Variants in PRLR observed in about 807,000 individuals in gnomAD.
The protein encoded by PRLR is prolactin receptor.
Under a neutral mutation model 40.2 loss-of-function variants are expected in PRLR, and 13 were observed. The ratio of observed to expected loss-of-function variants is 0.32; its 90% confidence interval spans 0.21 to 0.51. The LOEUF is 0.51. Ranked by LOEUF, PRLR falls within the 20% of genes least tolerant of loss-of-function variation. The probability of loss-of-function intolerance (pLI) is 0.97; values close to 1 mark genes in which losing one functional copy is unlikely to be tolerated. For synonymous variants in PRLR, 269 were observed against 278.7 expected (o/e 0.97, Z 0.35); for missense variants, 656 against 747.3 (o/e 0.88, Z 1.42).
chr5:35,120,773 C>T (rs1773261417), intron 1 of PRLR, among the ~76,000 whole-genome samples: 1 of 152,194 alleles, frequency 6.6e-6, no homozygotes. Flanking sequence ...TTCCCTGCTC[C>T]TCACTTTAGG....
intron 5 of PRLR, among the ~76,000 whole-genome samples, chr5:35,076,745 A>G (rs1233331554): frequency 6.6e-6 from 1 of 152,214 alleles, no homozygotes; most frequent in Non-Finnish European, 1.5e-5. Flanking sequence ...CGTAATTGTC[A>G]GATTCACCAA....
At chr5:35,134,635 C>T (rs1014766094) in intron 1 of PRLR, among the ~76,000 whole-genome samples, 5 of 152,290 alleles carry the variant, frequency 3.3e-5, no homozygotes, top group East Asian at 1.9e-4. Flanking sequence ...TAGAGCACAA[C>T]CTCAATGAAC....
chr5:35,216,156 C>G (rs1776283251), intron 1 of PRLR, among the ~76,000 whole-genome samples: 1 of 152,118 alleles, frequency 6.6e-6, no homozygotes, highest in Non-Finnish European at 1.5e-5. Flanking sequence ...TAGTATTACA[C>G]AGGCACCAGA....
At chr5:35,076,510 A>T (rs1770106844) in intron 5 of PRLR, among the ~76,000 whole-genome samples, 1 of 152,204 alleles carries the variant, frequency 6.6e-6, no homozygotes, top group Non-Finnish European at 1.5e-5. Flanking sequence ...GAGTAAAAAG[A>T]AATGAACAAG....
At chr5:35,116,926 C>T (rs1404550158) in intron 2 of PRLR, among the ~76,000 whole-genome samples, 1 of 152,176 alleles carries the variant, frequency 6.6e-6, no homozygotes, top group Admixed American at 6.5e-5. Flanking sequence ...TTGTCCCCAC[C>T]TGGAAGACAT....
At chr5:35,178,350 C>T (rs190150075) in intron 1 of PRLR, among the ~76,000 whole-genome samples, 52 of 152,254 alleles carry the variant, frequency 3.4e-4, no homozygotes, top group Admixed American at 5.2e-4. Context: ...TACTGAGTAT[C>T]GGCAGTTTGC....
At chr5:35,173,973 C>A (rs946207380) in intron 1 of PRLR, among the ~76,000 whole-genome samples, 1 of 152,082 alleles carries the variant, frequency 6.6e-6, no homozygotes, top group African/African-American at 2.4e-5. Flanking sequence ...CTAATGCTAT[C>A]CCTCCTCCTT....
intron 9 of PRLR, 125 bp downstream of exon 9, chr5:35,068,091 A>G (rs1769489547): frequency 3.6e-6 from 3 of 834,324 alleles, no homozygotes; most frequent in Non-Finnish European, 6.2e-6. Flanking sequence ...GCTGACCAGG[A>G]GAGACAGTCC....
chr5:35,225,353 A>T (rs1157618836), intron 1 of PRLR, among the ~76,000 whole-genome samples: 1 of 152,102 alleles, frequency 6.6e-6, no homozygotes, highest in African/African-American at 2.4e-5. Flanking sequence ...GGTGGGGGAG[A>T]AGGAAGAGGG....
chr5:35,217,913 T>C (rs1479051708), intron 1 of PRLR, among the ~76,000 whole-genome samples: 1 of 152,234 alleles, frequency 6.6e-6, no homozygotes, highest in Non-Finnish European at 1.5e-5. Context: ...TTTAAATGAC[T>C]TGATTTTAGC....
chr5:35,209,345 T>C (rs1362754531), intron 1 of PRLR, among the ~76,000 whole-genome samples: 1 of 152,210 alleles, frequency 6.6e-6, no homozygotes, highest in Admixed American at 6.5e-5. Context: ...TTCCATCTCT[T>C]TAATGTACCA....
rs1462404047 is a variant in PRLR at position 35,059,981 on chromosome 5, G to A, written c.*5108C>T. On this transcript the variant is annotated 3_prime_UTR_variant, in exon 10 of 10. Coordinates refer to ENST00000618457, the MANE Select transcript of PRLR (RefSeq NM_000949.7). ...CCCAAGTGTCTAGGACTACAGGTAC[G>A]TGTCACCATGGCTGGCTAATTTTTA... The A allele has an allele frequency of 3.9e-5, 6 of 152,146 alleles. No individual in the cohort carries two copies. Among genetic ancestry groups the A allele is most frequent in the South Asian group, 2.1e-4 (1 of 4,832 alleles). 9.4% of individuals were successfully genotyped at this position (152,146 alleles called of 1,614,324 possible). A position where few individuals can be genotyped will look rare whatever the true frequency, so the allele number is the denominator to read the frequency against.
Position 35,074,504 on chromosome 5 carries a change from C to CATATATATATATATATATATAT in PRLR, c.374-1782_374-1761dup, listed in dbSNP as rs3034214. 4.1e-3 allele frequency among the ~76,000 whole-genome samples: 537 copies of CATATATATATATATATATATAT among 132,336 alleles called. 20 individuals carry two copies. The highest frequency in any genetic ancestry group is 0.017 in the African/African-American group (500 of 29,952). 86.8% of individuals were successfully genotyped at this position (132,336 alleles called of 152,430 possible). ...AACAGCTACATATTTTTTATGATTC[C>CATATATATATATATATATATAT]ATATATATATATATATATATATGAA... On this transcript the variant is annotated intron_variant, in intron 5 of 9. Coordinates refer to ENST00000618457, the MANE Select transcript of PRLR (RefSeq NM_000949.7).
intron 1 of PRLR, among the ~76,000 whole-genome samples, chr5:35,229,855 TTTTTC>T (rs1776652721): frequency 6.6e-6 from 1 of 152,098 alleles, no homozygotes; most frequent in African/African-American, 2.4e-5. Context: ...CCCCGCTCTT[TTTTTC>T]TTTTCTTTTT....
chr5:35,094,384 C>T (rs1771406767), intron 2 of PRLR, among the ~76,000 whole-genome samples: 1 of 152,124 alleles, frequency 6.6e-6, no homozygotes, highest in African/African-American at 2.4e-5. Context: ...CATTTCATCT[C>T]ATTCATTTTC....
chr5:35,158,645 A>G (rs1774580285), intron 1 of PRLR, among the ~76,000 whole-genome samples: 1 of 152,078 alleles, frequency 6.6e-6, no homozygotes, highest in Non-Finnish European at 1.5e-5. Context: ...GAGAGTATCC[A>G]AGCCCCTCTG....
chr5:35,075,549 C>T (rs1770026243), intron 5 of PRLR, among the ~76,000 whole-genome samples: 2 of 152,316 alleles, frequency 1.3e-5, no homozygotes, highest in South Asian at 4.1e-4. Flanking sequence ...GAAGCTGGAA[C>T]TGGGTGGAGC....
At position 35,057,787 on chromosome 5, in the gene PRLR, T is replaced by C. The variant is rs777245017; in HGVS notation, c.*7302A>G. ...AAATAGACATTACAATAACTACATA[T>C]AGAAATGAGTTTTTAAAATCAAAAT... On this transcript the variant is annotated 3_prime_UTR_variant, in exon 10 of 10. Transcript: ENST00000618457. 4 of 152,130 alleles carry C rather than the reference T, an allele frequency of 2.6e-5. No individual in the cohort carries two copies. Among genetic ancestry groups the C allele is most frequent in the Admixed American group, 1.3e-4 (2 of 15,262 alleles). The allele number at this position is 152,130 out of a possible 1,614,324, so 9.4% of individuals were successfully genotyped here.
At chr5:35,193,794 C>T (rs1051013936) in intron 1 of PRLR, among the ~76,000 whole-genome samples, 2 of 151,362 alleles carry the variant, frequency 1.3e-5, no homozygotes, top group African/African-American at 4.9e-5. Context: ...ACCCTGCTTG[C>T]TCTTCTTGTC....
Sources: gnomAD v4.1 joint callset for allele counts (sites outside exome capture counted in the v4.1 genomes callset) on GRCh38, gnomAD v4.1.1 for gene constraint, MANE v1.5 for transcripts, NCBI Gene and HGNC (gene_info 2026-07-23, HGNC 2026-07-21) for gene names.